The following SLC7A7 variants were observed in gnomAD, a reference collection of about 807,000 sequenced individuals.
SLC7A7 encodes solute carrier family 7 member 7, also known as Y+L amino acid transporter 1.
A neutral mutation model predicts 47.9 loss-of-function variants in SLC7A7; 39 were observed. That is an observed-to-expected ratio of 0.81 (90% CI 0.63 to 1.06). The LOEUF (loss-of-function observed/expected upper bound fraction) is 1.06. Among genes scored for constraint, SLC7A7 ranks in the 50% least tolerant of loss-of-function variants. SLC7A7 has a pLI of 0.00. For synonymous variants in SLC7A7, 234 were observed against 242.8 expected (o/e 0.96, Z 0.34); for missense variants, 588 against 632.0 (o/e 0.93, Z 0.75).
intron 4 of SLC7A7, among the ~76,000 whole-genome samples, chr14:22,777,142 TAA>T (rs35326556): frequency 0.051 from 3,282 of 64,070 alleles, 76 homozygotes; most frequent in African/African-American, 0.14. Flanking sequence ...AGACCCTGTC[TAA>T]AAAAAAAAAA....
rs1480654020 is a variant in SLC7A7, at chr14:22,795,381, GCTTGCTTTCTTTCTTTCTTT to G, written c.500-15350_500-15331del. ...ACCGTGCCCAATCTGAGTATTGCTT[GCTTGCTTTCTTTCTTTCTTT>G]CTTTCTTTCTTTCTTTCTTTCTTTC... is the stretch of plus-strand genomic sequence containing the variant. On this transcript the variant is annotated intron_variant, in intron 2 of 9. Coordinates refer to ENST00000674313, the MANE Select transcript of SLC7A7 (RefSeq NM_003982.4). Among the ~76,000 whole-genome samples, 36 of 5,122 alleles carry G rather than the reference GCTTGCTTTCTTTCTTTCTTT, an allele frequency of 7.0e-3. 1 individual carries two copies. Among genetic ancestry groups the G allele is most frequent in the African/African-American group, 7.6e-3 (36 of 4,762 alleles). The allele number at this position is 5,122 out of a possible 152,430, so 3.4% of individuals were successfully genotyped here. A position where few individuals can be genotyped will look rare whatever the true frequency, so the allele number is the denominator to read the frequency against.
chr14:22,777,210 C>A (rs73586420), intron 4 of SLC7A7, among the ~76,000 whole-genome samples: 1 of 149,290 alleles, frequency 6.7e-6, no homozygotes, highest in African/African-American at 2.5e-5. Context: ...AGCATCATAA[C>A]GCACAGGAAA....
intron 2 of SLC7A7, among the ~76,000 whole-genome samples, chr14:22,805,591 G>A (rs1002967914): frequency 2.6e-5 from 4 of 152,106 alleles, no homozygotes; most frequent in African/African-American, 9.7e-5. Context: ...TGCGGGGGAA[G>A]AACAACACAC....
At chr14:22,794,831 C>T (rs535280681) in intron 2 of SLC7A7, among the ~76,000 whole-genome samples, 41 of 152,268 alleles carry the variant, frequency 2.7e-4, no homozygotes, top group South Asian at 1.9e-3. Context: ...GTCAGAAATT[C>T]TGGGGTGGAA....
chr14:22,797,119 T>C (rs756564123), intron 2 of SLC7A7, among the ~76,000 whole-genome samples: 8 of 152,214 alleles, frequency 5.3e-5, no homozygotes, highest in Non-Finnish European at 1.0e-4. Flanking sequence ...TTGAGAAAAC[T>C]GAGGTCAGGC....
At chr14:22,785,941 GA>G (rs2038806634) in intron 2 of SLC7A7, among the ~76,000 whole-genome samples, 2 of 148,882 alleles carry the variant, frequency 1.3e-5, no homozygotes, top group East Asian at 3.9e-4. Flanking sequence ...AGAATGACGT[GA>G]ACCCGGGAGG....
intron 2 of SLC7A7, among the ~76,000 whole-genome samples, chr14:22,804,078 T>A (rs2039160733): frequency 6.6e-6 from 1 of 152,134 alleles, no homozygotes; most frequent in African/African-American, 2.4e-5. Flanking sequence ...CACCTTCTGG[T>A]CATTAGAAAT....
chr14:22,786,628 T>C (rs1191720671), intron 2 of SLC7A7, among the ~76,000 whole-genome samples: 8 of 152,228 alleles, frequency 5.3e-5, no homozygotes, highest in Non-Finnish European at 1.5e-5. Context: ...CCCCTCTTTC[T>C]GGACCTATAA....
intron 2 of SLC7A7, among the ~76,000 whole-genome samples, chr14:22,783,594 T>C (rs2038760304): frequency 6.6e-6 from 1 of 151,720 alleles, no homozygotes; most frequent in African/African-American, 2.4e-5. Flanking sequence ...AGAGACAGGG[T>C]TTCGCCATGT....
At chr14:22,799,589 G>A (rs1286491259) in intron 2 of SLC7A7, among the ~76,000 whole-genome samples, 1 of 151,070 alleles carries the variant, frequency 6.6e-6, no homozygotes, top group African/African-American at 2.4e-5. Context: ...AGAGTAGCTG[G>A]GACTACAGGT....
chr14:22,804,201 T>G (rs1013950834), intron 2 of SLC7A7, among the ~76,000 whole-genome samples: 2 of 151,966 alleles, frequency 1.3e-5, no homozygotes, highest in Non-Finnish European at 2.9e-5. Flanking sequence ...AAAAATTAAC[T>G]CACGATGGAT....
At chr14:22,800,799 C>T (rs1173852793) in intron 2 of SLC7A7, among the ~76,000 whole-genome samples, 2 of 151,982 alleles carry the variant, frequency 1.3e-5, no homozygotes, top group Admixed American at 6.6e-5. Context: ...ATTAGCCGGG[C>T]GTGGTGGGGC....
intron 2 of SLC7A7, among the ~76,000 whole-genome samples, chr14:22,800,159 A>G (rs887231993): frequency 1.3e-5 from 2 of 152,192 alleles, no homozygotes; most frequent in Admixed American, 6.5e-5. Flanking sequence ...TCCTACATAG[A>G]AAAACTAATC....
In SLC7A7 at chr14:22,812,773, C is replaced by CTATA. The variant is rs58930730; in HGVS notation, c.499+123_499+126dup. On this transcript the variant is annotated intron_variant, in intron 2 of 9. Coordinates refer to ENST00000674313, the MANE Select transcript of SLC7A7 (RefSeq NM_003982.4). ...AATTTTCACACAAAGCATACTTTAA[C>CTATA]TATATATATATATATATATGTTGTC... 15,208 of 436,252 alleles carry CTATA rather than the reference C, an allele frequency of 0.035. 884 individuals carry two copies. The highest frequency in any genetic ancestry group is 0.14 in the Admixed American group (2,863 of 20,670). 27.0% of individuals were successfully genotyped at this position (436,252 alleles called of 1,614,324 possible). A position where few individuals can be genotyped will look rare whatever the true frequency, so the allele number is the denominator to read the frequency against.
At position 22,779,925 on chromosome 14, in the gene SLC7A7, C is replaced by A. The variant is rs386833822; in HGVS notation, c.625+1G>T. On this transcript the variant is annotated splice_donor_variant, in intron 3 of 9. Transcript: ENST00000674313. LOFTEE classifies it high-confidence loss of function. Reference sequence around the variant, plus strand: ...TAGTTGCTACTAATATTATTTCTTACCCTGGCCAAGTCTAACAATGCCTGC... The same window carrying A: ...TAGTTGCTACTAATATTATTTCTTAACCTGGCCAAGTCTAACAATGCCTGC... The A allele has an allele frequency of 1.2e-6, 2 of 1,614,070 alleles. No homozygotes were observed. Among genetic ancestry groups the A allele is most frequent in the South Asian group, 2.2e-5 (2 of 91,084 alleles).
chr14:22,815,869 G>A (rs2039400975), upstream of SLC7A7: 1 of 361,482 alleles, frequency 2.8e-6, no homozygotes, highest in Non-Finnish European at 5.5e-6. Flanking sequence ...TGCACAGTGT[G>A]ACACAAAGGC....
At chr14:22,775,329 A>G (rs1241687725) in intron 7 of SLC7A7, 115 bp downstream of exon 7, 7 of 897,098 alleles carry the variant, frequency 7.8e-6, no homozygotes, top group Admixed American at 5.2e-5. Flanking sequence ...TGATCCACCA[A>G]TAGTTTTTCT....
intron 2 of SLC7A7, among the ~76,000 whole-genome samples, chr14:22,805,728 T>C (rs772046630): frequency 3.9e-5 from 6 of 152,084 alleles, no homozygotes; most frequent in African/African-American, 7.2e-5. Flanking sequence ...TGTTTACCTA[T>C]GTAACAAAGC....
chr14:22,809,151 C>T (rs943239868), intron 2 of SLC7A7, among the ~76,000 whole-genome samples: 6 of 152,176 alleles, frequency 3.9e-5, no homozygotes, highest in African/African-American at 1.4e-4. Flanking sequence ...ACCATAACTG[C>T]GGCTACTTTG....
Sources: gnomAD v4.1 joint callset for allele counts (sites outside exome capture counted in the v4.1 genomes callset) on GRCh38, gnomAD v4.1.1 for gene constraint, MANE v1.5 for transcripts, NCBI Gene and HGNC (gene_info 2026-07-23, HGNC 2026-07-21) for gene names.